Variants in NRXN1 observed in about 807,000 individuals in gnomAD.
The protein encoded by NRXN1 is neurexin 1.
Under a neutral mutation model 150.9 loss-of-function variants are expected in NRXN1, and 39 were observed. That is an observed-to-expected ratio of 0.26 (90% confidence interval 0.20 to 0.34). The LOEUF is 0.34. NRXN1 is among the 10% of genes least tolerant of loss of function. NRXN1 has a pLI of 1.00. For missense variants in NRXN1, 1,815 were observed against 1,949.9 expected (o/e 0.93, Z 1.30); for synonymous variants, 924 against 757.0 (o/e 1.22, Z -3.62).
chr2:50,001,934 GC>G (rs1336860792), intron 21 of NRXN1, among the ~76,000 whole-genome samples: 2 of 151,966 alleles, frequency 1.3e-5, no homozygotes, highest in African/African-American at 4.8e-5. Context: ...TCTCCTGCTG[GC>G]CTTCAAGAAG....
intron 2 of NRXN1, among the ~76,000 whole-genome samples, chr2:50,977,338 A>AATATGAGC (rs1696017118): frequency 1.3e-5 from 2 of 152,070 alleles, no homozygotes; most frequent in African/African-American, 4.8e-5. Context: ...GTCACATTTT[A>AATATGAGC]ATATGAGCAT....
chr2:50,826,705 T>G (rs933166425), intron 5 of NRXN1, among the ~76,000 whole-genome samples: 1 of 152,136 alleles, frequency 6.6e-6, no homozygotes, highest in African/African-American at 2.4e-5. Flanking sequence ...GAGAAGAAAC[T>G]TCGGCAGAAA....
At position 50,347,755 on chromosome 2, in the gene NRXN1, A is replaced by G. The variant is rs1288670564; in HGVS notation, c.3365-110785T>C. On this transcript the variant is annotated intron_variant, in intron 17 of 22. Coordinates refer to ENST00000401669, the MANE Select transcript of NRXN1 (RefSeq NM_001330078.2). The surrounding 1 kb of genome is among the most constrained non-coding windows in gnomAD (Gnocchi z 4.9). Reference sequence around the variant, plus strand: ...GAAAAAGAAAAAGAAAAAGAAAAAAAGAAAAGAAAAACCACACACGCTGGT... The same window carrying G: ...GAAAAAGAAAAAGAAAAAGAAAAAAGGAAAAGAAAAACCACACACGCTGGT... 5.1e-6 allele frequency: 5 copies of G among 986,450 alleles called. No individual in the cohort carries two copies. In the African/African-American group the frequency reaches 8.7e-5, roughly 17 times the overall value. The allele number at this position is 986,450 out of a possible 1,614,324, so 61.1% of individuals were successfully genotyped here.
At chr2:50,845,493 C>T (rs1673507344) in intron 5 of NRXN1, among the ~76,000 whole-genome samples, 1 of 152,164 alleles carries the variant, frequency 6.6e-6, no homozygotes, top group Non-Finnish European at 1.5e-5. Flanking sequence ...TCTATTGAAA[C>T]GTAATGACTT....
chr2:50,070,663 G>T (rs1050819256), intron 19 of NRXN1, among the ~76,000 whole-genome samples: 3 of 150,956 alleles, frequency 2.0e-5, no homozygotes, highest in Non-Finnish European at 1.5e-5. Flanking sequence ...CCAGCTACTC[G>T]GGAGGCTGAG....
At chr2:50,877,947 T>C (rs554220908) in intron 5 of NRXN1, among the ~76,000 whole-genome samples, 2 of 152,064 alleles carry the variant, frequency 1.3e-5, no homozygotes, top group East Asian at 3.9e-4. Context: ...CATATTTTAC[T>C]TCCAAGATTT....
In NRXN1 at chr2:50,327,657, T is replaced by G. The variant is rs146519802; in HGVS notation, c.3365-90687A>C. Reference sequence around the variant, plus strand: ...TTCCTTCCTTTCCTCCTTTCTTTCTTTTTTTTTGTTTTGACAGAGTCTCGC... The same window carrying G: ...TTCCTTCCTTTCCTCCTTTCTTTCTGTTTTTTTGTTTTGACAGAGTCTCGC... On this transcript the variant is annotated intron_variant, in intron 17 of 22. Transcript: ENST00000401669. Among the ~76,000 whole-genome samples the G allele has an allele frequency of 3.2e-3, 491 of 151,792 alleles. 5 individuals are homozygous for G. The highest frequency in any genetic ancestry group is 0.012 in the African/African-American group (483 of 41,402).
chr2:51,020,712 G>A (rs1354128633), intron 2 of NRXN1, among the ~76,000 whole-genome samples: 2 of 151,926 alleles, frequency 1.3e-5, no homozygotes, highest in African/African-American at 4.8e-5. Flanking sequence ...CTTAGAAAAT[G>A]AAACAGAACA....
intron 2 of NRXN1, among the ~76,000 whole-genome samples, chr2:51,003,042 T>C (rs760724098): frequency 1.4e-4 from 22 of 151,938 alleles, no homozygotes; most frequent in Non-Finnish European, 2.9e-4. Flanking sequence ...AATTTAATGA[T>C]CTTGAAAAAG....
chr2:50,569,399 T>C (rs1221356079), intron 8 of NRXN1, among the ~76,000 whole-genome samples: 4 of 152,168 alleles, frequency 2.6e-5, no homozygotes, highest in East Asian at 3.9e-4. Context: ...AAATATCTTA[T>C]GTACTCCATA....
intron 18 of NRXN1, among the ~76,000 whole-genome samples, chr2:50,114,441 A>G (rs747881030): frequency 5.9e-5 from 9 of 152,126 alleles, no homozygotes; most frequent in Non-Finnish European, 1.3e-4. Context: ...TTTGGAAGAC[A>G]TTGTAGTAGT....
intron 5 of NRXN1, among the ~76,000 whole-genome samples, chr2:50,688,434 T>A (rs1691577451): frequency 6.6e-6 from 1 of 152,146 alleles, no homozygotes; most frequent in Admixed American, 6.5e-5. Flanking sequence ...CTCACTCTTT[T>A]TATGTCCTCT....
chr2:50,029,235 C>A (rs544842665), intron 21 of NRXN1, among the ~76,000 whole-genome samples: 1 of 152,296 alleles, frequency 6.6e-6, no homozygotes, highest in East Asian at 1.9e-4. Flanking sequence ...GAATCAGCTG[C>A]CACCTTGATC....
At chr2:50,345,964 G>T (rs2077927024) in intron 17 of NRXN1, among the ~76,000 whole-genome samples, 1 of 152,184 alleles carries the variant, frequency 6.6e-6, no homozygotes, top group Admixed American at 6.5e-5. Flanking sequence ...ATTTAGAAAA[G>T]AACTCAGCCT....
chr2:50,531,472 A>G, intron 10 of NRXN1, 42 bp from the exon 11 acceptor site: 1 of 1,455,492 alleles, frequency 6.9e-7, no homozygotes, highest in Non-Finnish European at 9.5e-7. Flanking sequence ...TGGATGGTAT[A>G]GCGCATTAAT....
intron 2 of NRXN1, among the ~76,000 whole-genome samples, chr2:50,932,019 G>A (rs1008922767): frequency 6.6e-6 from 1 of 151,868 alleles, no homozygotes. Context: ...CCACCACCAT[G>A]CTCTGCTAAT....
chr2:50,857,717 G>A (rs761471908), intron 5 of NRXN1, among the ~76,000 whole-genome samples: 7 of 151,700 alleles, frequency 4.6e-5, no homozygotes, highest in South Asian at 2.1e-4. Flanking sequence ...TCCATCCCTC[G>A]GTGATCTTCC....
At chr2:50,689,203 C>T (rs182482206) in intron 5 of NRXN1, among the ~76,000 whole-genome samples, 1 of 152,132 alleles carries the variant, frequency 6.6e-6, no homozygotes, top group East Asian at 1.9e-4. Flanking sequence ...ACTGGAGAGA[C>T]ACAAGAAAAC....
chr2:50,734,019 G>T (rs1286176177), intron 5 of NRXN1, among the ~76,000 whole-genome samples: 1 of 152,062 alleles, frequency 6.6e-6, no homozygotes, highest in Non-Finnish European at 1.5e-5. Context: ...AAGCCAGAAG[G>T]TCTAAACCAG....
Sources: allele counts gnomAD v4.1 joint callset (sites outside exome capture counted in the v4.1 genomes callset), GRCh38; gene constraint gnomAD v4.1.1; non-coding constraint Gnocchi (gnomAD v3.1); transcripts MANE v1.5; gene names NCBI Gene and HGNC (gene_info 2026-07-23, HGNC 2026-07-21).